Variants in LUZP2 observed in about 807,000 individuals in gnomAD.
The protein encoded by LUZP2 is leucine zipper protein 2.
Under a neutral mutation model 51.6 loss-of-function variants are expected in LUZP2, and 52 were observed. The ratio of observed to expected loss-of-function variants is 1.01; its 90% CI spans 0.81 to 1.27. LUZP2 has a LOEUF of 1.27. Ranked by LOEUF, LUZP2 falls within the 50% of genes most tolerant of loss-of-function variation. The pLI is 0.00. For missense variants in LUZP2, 436 were observed against 395.4 expected, an observed-to-expected ratio of 1.10 and a Z score of -0.87; for synonymous variants, 154 against 137.3, an observed-to-expected ratio of 1.12 and a Z score of -0.85.
chr11:24,655,960 T>G (rs1448757196), intron 1 of LUZP2, among the ~76,000 whole-genome samples: 1 of 152,226 alleles, frequency 6.6e-6, no homozygotes, highest in Non-Finnish European at 1.5e-5. Flanking sequence ...ATGAGGTTAG[T>G]GACACTCTGG....
At chr11:24,717,715 C>G (rs888844391) in intron 1 of LUZP2, among the ~76,000 whole-genome samples, 1 of 151,906 alleles carries the variant, frequency 6.6e-6, no homozygotes, top group Non-Finnish European at 1.5e-5. Context: ...GCGCCCGGCC[C>G]CCAATAGTTA....
chr11:24,850,278 T>A (rs888318075), intron 5 of LUZP2, among the ~76,000 whole-genome samples: 1 of 152,212 alleles, frequency 6.6e-6, no homozygotes, highest in African/African-American at 2.4e-5. Context: ...AAGTGTTTAT[T>A]CCATTTTGAG....
intron 1 of LUZP2, among the ~76,000 whole-genome samples, chr11:24,705,232 T>A (rs999748708): frequency 1.3e-5 from 2 of 152,152 alleles, no homozygotes; most frequent in Non-Finnish European, 2.9e-5. Flanking sequence ...AAGGTTGTTC[T>A]TGCCTCTTTA....
intron 9 of LUZP2, among the ~76,000 whole-genome samples, chr11:25,023,097 G>T (rs999356406): frequency 2.0e-5 from 3 of 152,096 alleles, no homozygotes; most frequent in African/African-American, 7.2e-5. Context: ...AGGGAAATTG[G>T]TCTGAAATTC....
intron 1 of LUZP2, among the ~76,000 whole-genome samples, chr11:24,699,941 A>G (rs1857373494): frequency 6.6e-6 from 1 of 151,338 alleles, no homozygotes; most frequent in African/African-American, 2.4e-5. Context: ...AGAGGGTAGG[A>G]CCTGTCAATG....
chr11:24,774,953 G>T (rs1439570047), intron 5 of LUZP2, among the ~76,000 whole-genome samples: 1 of 150,494 alleles, frequency 6.6e-6, no homozygotes, highest in East Asian at 2.0e-4. Context: ...GGGATCCCTT[G>T]CCTGCTCATT....
chr11:24,854,236 A>G (rs1023925706), intron 5 of LUZP2, among the ~76,000 whole-genome samples: 17 of 152,230 alleles, frequency 1.1e-4, no homozygotes, highest in African/African-American at 3.9e-4. Context: ...CCCTTCACCC[A>G]GGTGCTCTGT....
intron 9 of LUZP2, among the ~76,000 whole-genome samples, chr11:25,022,817 C>T (rs1186850875): frequency 2.0e-5 from 3 of 152,120 alleles, no homozygotes; most frequent in East Asian, 1.9e-4. Flanking sequence ...TTTTGAGATA[C>T]GTCCCATCAA....
At chr11:24,504,537 A>G (rs1304551066) in intron 1 of LUZP2, among the ~76,000 whole-genome samples, 1 of 152,160 alleles carries the variant, frequency 6.6e-6, no homozygotes, top group Non-Finnish European at 1.5e-5. Flanking sequence ...TCTAATATTT[A>G]GGGCCATTAA....
chr11:24,833,670 T>A (rs1850767216), intron 5 of LUZP2, among the ~76,000 whole-genome samples: 1 of 150,832 alleles, frequency 6.6e-6, no homozygotes, highest in African/African-American at 2.4e-5. Context: ...ACACCCATAG[T>A]TTTACACACG....
Position 24,497,291 on chromosome 11 carries a change from G to A in LUZP2, c.48G>A (p.Leu16=), listed in dbSNP as rs148514687. The A allele has an allele frequency of 1.5e-4, 232 of 1,566,566 alleles. No individual in the cohort carries two copies. Among genetic ancestry groups the A allele is most frequent in the Non-Finnish European group, 1.9e-4 (216 of 1,155,050 alleles). ...AHYLLPLLPA[L]VLSTRQDYEE... The stretch of plus-strand genomic sequence containing the variant: ...ACCTGCTGCCTCTCCTGCCTGCGCT[G>A]GTCCTCAGCACCAGGTGAGTCCAGG... The change falls in exon 1 of 12, where the codon CTG becomes CTA. Residue 16 remains leucine, a synonymous_variant. Transcript: ENST00000336930.
At chr11:24,547,853 TAAATC>T (rs914694187) in intron 1 of LUZP2, among the ~76,000 whole-genome samples, 31 of 151,912 alleles carry the variant, frequency 2.0e-4, no homozygotes, top group African/African-American at 6.7e-4. Flanking sequence ...AAAAGTAACT[TAAATC>T]AATAAGCCAG....
chr11:24,704,211 A>G (rs1272218454), intron 1 of LUZP2, among the ~76,000 whole-genome samples: 1 of 152,190 alleles, frequency 6.6e-6, no homozygotes, highest in African/African-American at 2.4e-5. Flanking sequence ...GGGACAACAC[A>G]GGAAGCAAAC....
At chr11:24,690,627 G>A (rs1465057142) in intron 1 of LUZP2, among the ~76,000 whole-genome samples, 1 of 151,872 alleles carries the variant, frequency 6.6e-6, no homozygotes, top group Non-Finnish European at 1.5e-5. Context: ...TAGAATTTTG[G>A]TGATCCATCT....
intron 1 of LUZP2, among the ~76,000 whole-genome samples, chr11:24,659,237 A>G (rs927159002): frequency 6.6e-6 from 1 of 152,256 alleles, no homozygotes; most frequent in African/African-American, 2.4e-5. Flanking sequence ...AATACTATGC[A>G]GCCATAAAAA....
At chr11:24,664,556 T>G (rs1590317464) in intron 1 of LUZP2, among the ~76,000 whole-genome samples, 1 of 151,916 alleles carries the variant, frequency 6.6e-6, no homozygotes, top group African/African-American at 2.4e-5. Context: ...CCATCACAGG[T>G]CTAAGGCCTA....
At chr11:24,854,160 C>A (rs1851481316) in intron 5 of LUZP2, among the ~76,000 whole-genome samples, 1 of 152,230 alleles carries the variant, frequency 6.6e-6, no homozygotes. Context: ...GCTGGGAGAT[C>A]TGCTGCTCTC....
intron 1 of LUZP2, among the ~76,000 whole-genome samples, chr11:24,712,685 A>G (rs1857881045): frequency 6.6e-6 from 1 of 152,186 alleles, no homozygotes; most frequent in Non-Finnish European, 1.5e-5. Flanking sequence ...AATGCAGGCC[A>G]TGGACAGATT....
At chr11:24,502,057 A>G (rs1248787461) in intron 1 of LUZP2, among the ~76,000 whole-genome samples, 4 of 150,226 alleles carry the variant, frequency 2.7e-5, no homozygotes, top group Non-Finnish European at 5.9e-5. Context: ...CATAACACCT[A>G]CTTGAGAAGG....
Sources: gnomAD v4.1 joint callset for allele counts (sites outside exome capture counted in the v4.1 genomes callset) on GRCh38, gnomAD v4.1.1 for gene constraint, MANE v1.5 for transcripts, NCBI Gene and HGNC (gene_info 2026-07-23, HGNC 2026-07-21) for gene names.